The following UBE3B variants were observed in gnomAD, a reference collection of about 807,000 sequenced individuals.
UBE3B encodes ubiquitin-protein ligase E3B.
In UBE3B, 80 loss-of-function variants were observed where a neutral mutation model predicts 132.3. The ratio of observed to expected loss-of-function variants is 0.60; its 90% CI spans 0.50 to 0.73. The LOEUF (loss-of-function observed/expected upper bound fraction) is 0.73. Among genes scored for constraint, UBE3B ranks in the 30% least tolerant of loss-of-function variants. The pLI, the probability that UBE3B is intolerant of heterozygous loss-of-function variation, is 0.00. For missense variants in UBE3B, 1,196 were observed against 1,362.5 expected (o/e 0.88, Z 1.92); for synonymous variants, 487 against 520.4 (o/e 0.94, Z 0.87).
chr12:109,501,684 C>A, intron 13 of UBE3B, 150 bp downstream of exon 13: 1 of 998,128 alleles, frequency 1.0e-6, no homozygotes, highest in Non-Finnish European at 1.4e-6. Context: ...CAGAGTCTCA[C>A]TGTATTGCCC....
At chr12:109,501,281 C>T (rs1046421532) in intron 12 of UBE3B, 90 bp from the exon 13 acceptor site, 11 of 1,521,514 alleles carry the variant, frequency 7.2e-6, no homozygotes, top group Middle Eastern at 1.7e-4. Context: ...GCTACAGCTC[C>T]GAGTGGAAGG....
intron 24 of UBE3B, among the ~76,000 whole-genome samples, chr12:109,528,820 G>C (rs934048382): frequency 4.0e-5 from 6 of 150,886 alleles, no homozygotes; most frequent in Non-Finnish European, 8.8e-5. Context: ...TTGCACTCCA[G>C]CATGGGCGAC....
At chr12:109,511,546 T>C (rs1321521191) in intron 18 of UBE3B, among the ~76,000 whole-genome samples, 1 of 152,026 alleles carries the variant, frequency 6.6e-6, no homozygotes, top group African/African-American at 2.4e-5. Context: ...CCTGACCAGC[T>C]GGAGGGAGGG....
intron 8 of UBE3B, 128 bp from the exon 9 acceptor site, chr12:109,490,917 A>C (rs1186222939): frequency 5.2e-6 from 6 of 1,155,516 alleles, no homozygotes; most frequent in Non-Finnish European, 7.2e-6. Flanking sequence ...CTGTAGGTAC[A>C]AGCCACCATG....
At chr12:109,533,866 C>G (rs1272139009) in intron 27 of UBE3B, 5 of 1,281,926 alleles carry the variant, frequency 3.9e-6, no homozygotes, top group East Asian at 3.8e-5. Flanking sequence ...GGCTCCAGAT[C>G]TGAGGCAGCA....
intron 11 of UBE3B, among the ~76,000 whole-genome samples, chr12:109,499,291 A>G (rs1341529560): frequency 3.3e-5 from 5 of 152,206 alleles, no homozygotes; most frequent in African/African-American, 9.7e-5. Flanking sequence ...ACACTAACTA[A>G]ATATCACCTA....
chr12:109,534,149 T>C lies in UBE3B; in HGVS notation c.3016-442T>C. 5 of 1,287,180 alleles carry C rather than the reference T, an allele frequency of 3.9e-6. No individual in the cohort carries two copies. Among genetic ancestry groups the C allele is most frequent in the Non-Finnish European group, 5.0e-6 (5 of 990,992 alleles). 79.7% of individuals were successfully genotyped at this position (1,287,180 alleles called of 1,614,324 possible). A position where few individuals can be genotyped will look rare whatever the true frequency, so the allele number is the denominator to read the frequency against. On this transcript the variant is annotated intron_variant, in intron 27 of 27. Coordinates refer to ENST00000342494, the MANE Select transcript of UBE3B (RefSeq NM_130466.4). The surrounding 1 kb of genome is among the most constrained non-coding windows in gnomAD (Gnocchi z 5.2). The stretch of plus-strand genomic sequence containing the variant: ...GCAGTTTGAGCCCGTGATGCCACCT[T>C]GTACAGGAAGCTACACAGTCCTCGG...
chr12:109,527,680 A>G (rs1882498703), intron 24 of UBE3B, among the ~76,000 whole-genome samples: 1 of 152,222 alleles, frequency 6.6e-6, no homozygotes, highest in South Asian at 2.1e-4. Flanking sequence ...TAGAAGGAAC[A>G]AAGTGCAGAT....
At chr12:109,500,495 T>C (rs1454787698) in intron 12 of UBE3B, among the ~76,000 whole-genome samples, 1 of 152,200 alleles carries the variant, frequency 6.6e-6, no homozygotes, top group Non-Finnish European at 1.5e-5. Context: ...ATTTTTCTTT[T>C]GTTGTACCTG....
At chr12:109,478,946 T>A (rs896231611) in intron 1 of UBE3B, among the ~76,000 whole-genome samples, 4 of 152,220 alleles carry the variant, frequency 2.6e-5, no homozygotes, top group African/African-American at 9.6e-5. Context: ...CTTGGCTTAG[T>A]CAGCAGTTGG....
intron 1 of UBE3B, among the ~76,000 whole-genome samples, chr12:109,480,643 C>A (rs1875218698): frequency 7.3e-6 from 1 of 136,058 alleles, no homozygotes; most frequent in Admixed American, 7.3e-5. Flanking sequence ...AGAGCGAGAC[C>A]CTGCCTTAAA....
intron 24 of UBE3B, 34 bp from the exon 25 acceptor site, chr12:109,529,852 GTTAA>G (rs745747381): frequency 6.2e-7 from 1 of 1,612,404 alleles, no homozygotes; most frequent in Non-Finnish European, 8.5e-7. Context: ...GCCCCGTCCT[GTTAA>G]TTGTCATTGT....
At chr12:109,483,745 T>G (rs758877442) in intron 3 of UBE3B, 33 bp downstream of exon 3, 4 of 1,575,168 alleles carry the variant, frequency 2.5e-6, no homozygotes, top group Non-Finnish European at 3.4e-6. Context: ...CACATGATTC[T>G]CTGGCTCCCA....
the UBE3B span, among the ~76,000 whole-genome samples, chr12:109,545,378 G>A: frequency 6.6e-5 from 10 of 152,236 alleles, no homozygotes; most frequent in African/African-American, 2.4e-4. Context: ...CACGGTGGAC[G>A]TGATCCCTGC....
Position 109,521,466 on chromosome 12 carries a change from A to G in UBE3B, c.2279A>G (p.Tyr760Cys). Residue 760 changes from tyrosine (Y) to cysteine (C), a missense_variant, in exon 21 of 28, where the codon TAC (tyrosine) becomes TGC (cysteine). By Grantham distance (194) the Tyr-to-Cys change is radical (BLOSUM62 -2). Transcript: ENST00000342494. The surrounding 1 kb of genome is among the most constrained non-coding windows in gnomAD (Gnocchi z 4.2). ...FKTTSGDERLYPSPTSYIHEN... is the reference protein window; with the variant it reads ...FKTTSGDERLCPSPTSYIHEN... ...ACAACCAGTGGGGATGAGAGGCTGT[A>G]CCCCTCACCCACATCCTACATCCAT... 1 of 1,594,174 alleles carries G rather than the reference A, an allele frequency of 6.3e-7. No homozygotes were observed. The highest frequency in any genetic ancestry group is 1.1e-5 in the South Asian group (1 of 88,962).
Position 109,483,513 on chromosome 12 carries a change from T to C in UBE3B, c.-21-18T>C. On this transcript the variant is annotated intron_variant, in intron 2 of 27. Transcript: ENST00000342494. ...CACACAACAATCTACAACACCCACT[T>C]GCCCATTTTCCTTGCAGGGTTTGTG... 2 of 1,526,776 alleles carry C rather than the reference T, an allele frequency of 1.3e-6. No homozygotes were observed. The highest frequency in any genetic ancestry group is 2.6e-5 in the South Asian group (2 of 75,814). The allele number at this position is 1,526,776 out of a possible 1,614,324, so 94.6% of individuals were successfully genotyped here. A position where few individuals can be genotyped will look rare whatever the true frequency, so the allele number is the denominator to read the frequency against.
chr12:109,521,624 A>G lies in UBE3B; in HGVS notation c.2364+73A>G. The stretch of plus-strand genomic sequence containing the variant: ...ACCATGGGCTTCTTCACATACACAT[A>G]TGTGATCAGGCTTGGCCATGTAAAC... On this transcript the variant is annotated intron_variant, in intron 21 of 27. Transcript: ENST00000342494. This position sits in a 1 kb window ranked among gnomAD's most constrained non-coding sequence, Gnocchi z 4.2. The G allele has an allele frequency of 7.3e-7, 1 of 1,372,140 alleles. No homozygotes were observed. Among genetic ancestry groups the G allele is most frequent in the Non-Finnish European group, 9.9e-7 (1 of 1,008,016 alleles). 85.0% of individuals were successfully genotyped at this position (1,372,140 alleles called of 1,614,324 possible).
At position 109,517,744 on chromosome 12, in the gene UBE3B, A is replaced by G. The variant is rs900490877; in HGVS notation, c.2076+860A>G. On this transcript the variant is annotated intron_variant, in intron 19 of 27. Transcript: ENST00000342494. ...GACCTTTTTATCACACTCCAGCTGC[A>G]GTTCCCCATGAGCCTGTCCTGTAGT... 3.3e-5 allele frequency among the ~76,000 whole-genome samples: 5 copies of G among 152,274 alleles called. No homozygotes were observed. In the South Asian group the frequency reaches 1.0e-3, roughly 32 times the overall value.
At chr12:109,547,003 C>T in the UBE3B span, among the ~76,000 whole-genome samples, 1 of 152,164 alleles carries the variant, frequency 6.6e-6, no homozygotes. This position sits in a 1 kb window ranked among gnomAD's most constrained non-coding sequence, Gnocchi z 4.1. Flanking sequence ...AGACACCACA[C>T]CCAGCCGGAT....
Sources: allele counts gnomAD v4.1 joint callset (sites outside exome capture counted in the v4.1 genomes callset), GRCh38; gene constraint gnomAD v4.1.1; non-coding constraint Gnocchi (gnomAD v3.1); transcripts MANE v1.5; gene names NCBI Gene and HGNC (gene_info 2026-07-23, HGNC 2026-07-21).